Variants in TTC3 observed in about 807,000 individuals in gnomAD.
The protein encoded by TTC3 is E3 ubiquitin-protein ligase TTC3.
In TTC3, 180 loss-of-function variants were observed where a neutral mutation model predicts 249.6. That is an observed-to-expected ratio of 0.72 (90% CI 0.64 to 0.82). TTC3 has a LOEUF of 0.82. Among genes scored for constraint, TTC3 ranks in the 40% least tolerant of loss-of-function variants. The pLI, the probability that TTC3 is intolerant of heterozygous loss-of-function variation, is 0.00. For synonymous variants in TTC3, 717 were observed against 805.0 expected (o/e 0.89, Z 1.85); for missense variants, 2,061 against 2,398.4 (o/e 0.86, Z 2.94).
intron 31 of TTC3, 36 bp downstream of exon 31, chr21:37,162,099 C>T (rs370628759): frequency 6.4e-5 from 82 of 1,278,570 alleles, no homozygotes; most frequent in Non-Finnish European, 8.6e-5. Context: ...TTCATTTTAA[C>T]TCAAATGTCT....
intron 1 of TTC3, among the ~76,000 whole-genome samples, chr21:37,074,613 C>T (rs2070564647): frequency 6.6e-6 from 1 of 152,084 alleles, no homozygotes. Context: ...TTTACTCCTC[C>T]GGAGAGAGCC....
At chr21:37,182,982 A>G in intron 36 of TTC3, 69 bp downstream of exon 36, 1 of 1,271,180 alleles carries the variant, frequency 7.9e-7, no homozygotes, top group Non-Finnish European at 1.1e-6. Flanking sequence ...TTATTTTCAC[A>G]TTTTTGATAT....
At chr21:37,178,692 G>T (rs1430360863) in intron 35 of TTC3, among the ~76,000 whole-genome samples, 3 of 152,104 alleles carry the variant, frequency 2.0e-5, no homozygotes, top group Non-Finnish European at 2.9e-5. Context: ...AGGTGCGGTG[G>T]CTTACACCTA....
intron 27 of TTC3, among the ~76,000 whole-genome samples, chr21:37,154,659 A>G (rs1430461046): frequency 6.6e-6 from 1 of 152,154 alleles, no homozygotes; most frequent in African/African-American, 2.4e-5. Context: ...GGAAAGGGTG[A>G]ACATGTCTTT....
intron 2 of TTC3, 135 bp downstream of exon 2, chr21:37,087,536 T>G: frequency 8.8e-7 from 1 of 1,139,110 alleles, no homozygotes; most frequent in Non-Finnish European, 1.3e-6. Flanking sequence ...AAAAGTTGAT[T>G]TGAGAAGGGA....
At chr21:37,179,375 A>G (rs1174909089) in intron 35 of TTC3, among the ~76,000 whole-genome samples, 2 of 152,200 alleles carry the variant, frequency 1.3e-5, no homozygotes, top group African/African-American at 4.8e-5. Context: ...TCCATCTTCC[A>G]TATTTGTAAA....
At chr21:37,177,954 A>G (rs971827103) in intron 35 of TTC3, among the ~76,000 whole-genome samples, 34 of 152,220 alleles carry the variant, frequency 2.2e-4, no homozygotes, top group African/African-American at 7.7e-4. Flanking sequence ...GAAATCTTAT[A>G]CTCACTAGCT....
intron 8 of TTC3, among the ~76,000 whole-genome samples, chr21:37,094,369 T>C (rs2835598): frequency 0.46 from 69,222 of 152,014 alleles, 16,292 homozygotes; most frequent in Non-Finnish European, 0.52. Context: ...ACACTGTTCA[T>C]TCATAGGAAA....
intron 17 of TTC3, among the ~76,000 whole-genome samples, chr21:37,135,060 C>G (rs2077805622): frequency 6.6e-6 from 1 of 152,104 alleles, no homozygotes; most frequent in South Asian, 2.1e-4. Context: ...TGTTGTTTTT[C>G]ATATATATTG....
At chr21:37,148,397 A>G (rs1427672719) in intron 22 of TTC3, 149 bp from the exon 23 acceptor site, 1 of 441,730 alleles carries the variant, frequency 2.3e-6, no homozygotes, top group South Asian at 6.5e-5. Flanking sequence ...TGTTTATAAA[A>G]TATTTGATAT....
At chr21:37,096,366 T>C (rs943883507) in intron 9 of TTC3, among the ~76,000 whole-genome samples, 14 of 152,216 alleles carry the variant, frequency 9.2e-5, no homozygotes, top group African/African-American at 2.7e-4. Context: ...ATTTTGAATA[T>C]AGGGAAGTTT....
chr21:37,173,232 G>A (rs1301895545), intron 35 of TTC3, among the ~76,000 whole-genome samples: 1 of 152,034 alleles, frequency 6.6e-6, no homozygotes, highest in Non-Finnish European at 1.5e-5. Flanking sequence ...ATTTTGTATG[G>A]TTAGATTAAT....
chr21:37,115,942 C>T (rs1016400729), intron 11 of TTC3, among the ~76,000 whole-genome samples: 7 of 152,324 alleles, frequency 4.6e-5, no homozygotes, highest in East Asian at 1.9e-4. Context: ...TCACTTCCTA[C>T]GCATTTCTTA....
exon 11 of TTC3, chr21:37,108,437 T>C (rs749042664): frequency 3.1e-6 from 5 of 1,612,266 alleles, no homozygotes; most frequent in Non-Finnish European, 3.4e-6. Flanking sequence ...TGAAGAACAC[T>C]TGGCCAAAGG....
In TTC3 at chr21:37,166,043, A is replaced by C. The variant is rs1342302207; in HGVS notation, c.3829A>C (p.Asn1277His). Reference sequence around the variant, plus strand: ...TGGGCAACCCAAAGGGGTCTCTTCTAATTCTCCTAAACCAGGCTCTGAGGA... The same window carrying C: ...TGGGCAACCCAAAGGGGTCTCTTCTCATTCTCCTAAACCAGGCTCTGAGGA... The change falls in exon 33 of 46, where the codon AAT (asparagine) becomes CAT (histidine). Residue 1277 changes from asparagine (N) to histidine (H), a missense_variant. By Grantham distance (68) the Asn-to-His change is moderately conservative. Around this residue, in one of 3 missense-constraint regions of TTC3, gnomAD observed 1,040 missense variants for 1,186.1 expected, o/e 0.88. Coordinates refer to ENST00000355666, the Ensembl canonical transcript of TTC3. 2.5e-6 allele frequency: 4 copies of C among 1,614,074 alleles called. No homozygotes were observed. In the African/African-American group the frequency reaches 4.0e-5, roughly 16 times the overall value.
At chr21:37,172,505 CTTTG>C in intron 34 of TTC3, 86 bp from the exon 35 acceptor site, 7 of 1,388,634 alleles carry the variant, frequency 5.0e-6, no homozygotes, top group South Asian at 3.1e-5. Flanking sequence ...TTTTACTCTC[CTTTG>C]TTTATTTTAA....
intron 11 of TTC3, among the ~76,000 whole-genome samples, chr21:37,109,366 T>C (rs1307715049): frequency 6.6e-6 from 1 of 152,232 alleles, no homozygotes; most frequent in African/African-American, 2.4e-5. Context: ...TCCACCCTAA[T>C]ACTGCGCTTT....
intron 44 of TTC3, among the ~76,000 whole-genome samples, chr21:37,198,850 A>AT (rs5843816): frequency 1.6e-4 from 24 of 149,796 alleles, no homozygotes; most frequent in Middle Eastern, 7.0e-3. Flanking sequence ...GTTGTTTTCC[A>AT]TTTTTTTTTT....
intron 19 of TTC3, 140 bp from the exon 20 acceptor site, chr21:37,140,421 C>A: frequency 1.8e-6 from 1 of 544,860 alleles, no homozygotes; most frequent in African/African-American, 2.0e-5. Flanking sequence ...AAGTGAAACA[C>A]AGAGGTATAA....
Sources: gnomAD v4.1 joint callset for allele counts (sites outside exome capture counted in the v4.1 genomes callset) on GRCh38, gnomAD v4.1.1 for gene constraint, gnomAD v4.1.1 regional missense constraint, MANE v1.5 for transcripts, NCBI Gene and HGNC (gene_info 2026-07-23, HGNC 2026-07-21) for gene names.